NREP: variants seen among roughly 807,000 people sequenced by gnomAD.
NREP encodes neuronal regeneration-related protein.
Under a neutral mutation model 8.6 loss-of-function variants are expected in NREP, and 5 were observed. The observed-to-expected ratio is 0.58, with a 90% CI of 0.30 to 1.22. The LOEUF (loss-of-function observed/expected upper bound fraction) is 1.22. Ranked by LOEUF, NREP falls within the 50% of genes most tolerant of loss-of-function variation. The pLI is 0.07. For synonymous variants in NREP, 27 were observed against 28.0 expected (o/e 0.96, Z 0.11); for missense variants, 86 against 82.5 (o/e 1.04, Z -0.17).
intron 2 of NREP, among the ~76,000 whole-genome samples, chr5:111,771,772 A>C (rs1419822102): frequency 6.6e-6 from 1 of 151,868 alleles, no homozygotes; most frequent in African/African-American, 2.4e-5. Flanking sequence ...TCAAAAAAAA[A>C]AAAAAACAAA....
At chr5:111,955,794 C>T (rs1363704727) in intron 2 of NREP, among the ~76,000 whole-genome samples, 1 of 151,450 alleles carries the variant, frequency 6.6e-6, no homozygotes, top group Non-Finnish European at 1.5e-5. Flanking sequence ...TCTAGCAACC[C>T]ACGGTGTAAG....
intron 2 of NREP, among the ~76,000 whole-genome samples, chr5:111,941,081 A>G (rs777067837): frequency 6.6e-6 from 1 of 152,080 alleles, no homozygotes; most frequent in Non-Finnish European, 1.5e-5. Context: ...ACCACAGAAT[A>G]ACTATGGGAT....
intron 2 of NREP, among the ~76,000 whole-genome samples, chr5:111,939,467 T>C (rs528180440): frequency 6.6e-6 from 1 of 152,162 alleles, no homozygotes; most frequent in South Asian, 2.1e-4. Flanking sequence ...GATTCCATAT[T>C]TGGGAAGTTG....
intron 2 of NREP, among the ~76,000 whole-genome samples, chr5:111,849,102 T>C (rs892130749): frequency 6.6e-5 from 10 of 152,098 alleles, no homozygotes; most frequent in African/African-American, 2.4e-4. Context: ...CAAAGCAGAT[T>C]TGGATAAGTG....
chr5:111,961,611 G>T (rs1366610099), intron 2 of NREP, among the ~76,000 whole-genome samples: 1 of 152,080 alleles, frequency 6.6e-6, no homozygotes, highest in African/African-American at 2.4e-5. Context: ...TTTTCTAAGA[G>T]GAAAAATACT....
intron 2 of NREP, among the ~76,000 whole-genome samples, chr5:111,787,045 C>T (rs1053598859): frequency 1.3e-5 from 2 of 152,138 alleles, no homozygotes; most frequent in African/African-American, 4.8e-5. Flanking sequence ...GTTGGCATGA[C>T]CAAATAAATT....
At chr5:111,856,400 T>C (rs903472838) in intron 2 of NREP, among the ~76,000 whole-genome samples, 2 of 152,156 alleles carry the variant, frequency 1.3e-5, no homozygotes, top group African/African-American at 4.8e-5. Context: ...ATAAGCGACC[T>C]AAACAAAAAA....
intron 2 of NREP, among the ~76,000 whole-genome samples, chr5:111,970,086 G>C (rs1409120761): frequency 6.6e-6 from 1 of 152,106 alleles, no homozygotes; most frequent in Non-Finnish European, 1.5e-5. Context: ...TAAATACTCT[G>C]TAAGATCTCT....
chr5:111,963,430 CA>C (rs1288936108), intron 2 of NREP, among the ~76,000 whole-genome samples: 1 of 152,114 alleles, frequency 6.6e-6, no homozygotes, highest in African/African-American at 2.4e-5. Flanking sequence ...CAAGAAAGCA[CA>C]AAAAATATGT....
chr5:111,805,713 A>G (rs972184787), intron 2 of NREP, among the ~76,000 whole-genome samples: 1 of 152,242 alleles, frequency 6.6e-6, no homozygotes, highest in Non-Finnish European at 1.5e-5. Flanking sequence ...GACTGACTGA[A>G]TGAATAAATA....
chr5:111,975,498 G>A, intron 1 of NREP: 1 of 681,846 alleles, frequency 1.5e-6, no homozygotes, highest in Non-Finnish European at 2.6e-6. Flanking sequence ...AAAATGAGAA[G>A]GACACTGACT....
intron 2 of NREP, among the ~76,000 whole-genome samples, chr5:111,853,740 T>C (rs1440685609): frequency 2.6e-5 from 4 of 152,026 alleles, no homozygotes; most frequent in East Asian, 1.9e-4. Context: ...CTCAGGGAGA[T>C]AAGTGAAAGA....
At chr5:111,811,281 T>C (rs1309596975) in intron 2 of NREP, among the ~76,000 whole-genome samples, 6 of 151,952 alleles carry the variant, frequency 3.9e-5, no homozygotes, top group Admixed American at 3.9e-4. Context: ...ACTGGAATAT[T>C]GAACACCACT....
intron 2 of NREP, among the ~76,000 whole-genome samples, chr5:111,955,411 T>C (rs1201619926): frequency 6.6e-6 from 1 of 150,442 alleles, no homozygotes; most frequent in African/African-American, 2.5e-5. Flanking sequence ...ACCTTGTATC[T>C]ATAGGTGTTA....
chr5:111,962,666 T>C (rs770473827), intron 2 of NREP, among the ~76,000 whole-genome samples: 9 of 152,170 alleles, frequency 5.9e-5, no homozygotes, highest in African/African-American at 2.2e-4. Flanking sequence ...TTTTTGTTAA[T>C]TGAATGTTGC....
At chr5:111,746,623 T>A (rs543587160) in intron 2 of NREP, among the ~76,000 whole-genome samples, 1 of 152,188 alleles carries the variant, frequency 6.6e-6, no homozygotes, top group African/African-American at 2.4e-5. Flanking sequence ...ATTCTGCAGG[T>A]ATTGAATATT....
At chr5:111,834,749 T>A (rs888326039) in intron 2 of NREP, among the ~76,000 whole-genome samples, 1 of 152,192 alleles carries the variant, frequency 6.6e-6, no homozygotes, top group Non-Finnish European at 1.5e-5. Flanking sequence ...TATTCATCTT[T>A]AAGATGTGTA....
chr5:111,821,346 C>T (rs982599080), intron 2 of NREP, among the ~76,000 whole-genome samples: 15 of 151,518 alleles, frequency 9.9e-5, no homozygotes, highest in African/African-American at 2.2e-4. Context: ...TTTTTAGCTC[C>T]GTTTTATCAT....
Position 111,914,623 on chromosome 5 carries a change from G to A in NREP, c.135+60651C>T, listed in dbSNP as rs188213549. On this transcript the variant is annotated intron_variant, in intron 2 of 3. Coordinates refer to the NREP transcript ENST00000395634. ...ATAAATGACCCTGTCTCCTTTTTTC[G>A]TTGTACTCTCCTGGCAAAACTGCTG... 5.9e-5 allele frequency among the ~76,000 whole-genome samples: 9 copies of A among 151,934 alleles called. No homozygotes were observed. In the East Asian group the frequency reaches 7.8e-4, roughly 13 times the overall value.
Sources: gnomAD v4.1 joint callset for allele counts (sites outside exome capture counted in the v4.1 genomes callset) on GRCh38, gnomAD v4.1.1 for gene constraint, MANE v1.5 for transcripts, NCBI Gene and HGNC (gene_info 2026-07-23, HGNC 2026-07-21) for gene names.